Variants in IL12RB2 observed in about 807,000 individuals in gnomAD.
IL12RB2 encodes the protein interleukin 12 receptor subunit beta 2.
Under a neutral mutation model 89.4 loss-of-function variants are expected in IL12RB2, and 82 were observed. That is an observed-to-expected ratio of 0.92 (90% CI 0.77 to 1.10). The LOEUF (loss-of-function observed/expected upper bound fraction) is 1.10. Ranked by LOEUF, IL12RB2 falls within the 50% of genes least tolerant of loss-of-function variation. The probability of loss-of-function intolerance (pLI) is 0.00; values close to 1 mark genes in which losing one functional copy is unlikely to be tolerated. For synonymous variants in IL12RB2, 368 were observed against 370.1 expected (o/e 0.99, Z 0.07); for missense variants, 963 against 1,031.9 (o/e 0.93, Z 0.92).
chr1:67,327,733 G>C (rs1212533895), intron 5 of IL12RB2, among the ~76,000 whole-genome samples: 3 of 152,210 alleles, frequency 2.0e-5, no homozygotes, highest in Non-Finnish European at 4.4e-5. Flanking sequence ...GAGGGGTTCT[G>C]TAGTACATTT....
At chr1:67,332,706 T>C (rs1299247299) in intron 8 of IL12RB2, among the ~76,000 whole-genome samples, 1 of 152,194 alleles carries the variant, frequency 6.6e-6, no homozygotes, top group African/African-American at 2.4e-5. Context: ...TTTATATATG[T>C]GGTACAGATA....
chr1:67,317,376 G>T (rs1655914533), intron 2 of IL12RB2, among the ~76,000 whole-genome samples: 1 of 152,168 alleles, frequency 6.6e-6, no homozygotes, highest in African/African-American at 2.4e-5. Flanking sequence ...TTATGTATCT[G>T]AACTGAGATC....
chr1:67,326,155 G>A (rs1657257333), intron 4 of IL12RB2, among the ~76,000 whole-genome samples: 1 of 152,216 alleles, frequency 6.6e-6, no homozygotes, highest in South Asian at 2.1e-4. Flanking sequence ...GCAACTGGGT[G>A]TAAGTGTCTT....
chr1:67,316,795 G>A (rs907579737), intron 2 of IL12RB2, among the ~76,000 whole-genome samples: 2 of 152,112 alleles, frequency 1.3e-5, no homozygotes, highest in Admixed American at 6.6e-5. Flanking sequence ...CCCAAGCTTC[G>A]CCTCCTGCAA....
intron 10 of IL12RB2, among the ~76,000 whole-genome samples, chr1:67,362,552 G>A (rs1326714293): frequency 2.1e-4 from 25 of 117,944 alleles, no homozygotes; most frequent in African/African-American, 5.6e-4. Flanking sequence ...CGGCCTGGGC[G>A]ACAGAGCGAG....
At chr1:67,369,038 A>G (rs923357070) in intron 11 of IL12RB2, among the ~76,000 whole-genome samples, 3 of 152,224 alleles carry the variant, frequency 2.0e-5, no homozygotes, top group African/African-American at 7.2e-5. Context: ...ACCCTGCTTA[A>G]GGTGACAAGA....
At chr1:67,350,726 T>C (rs1660733127) in intron 9 of IL12RB2, 144 bp from the exon 10 acceptor site, 2 of 1,505,832 alleles carry the variant, frequency 1.3e-6, no homozygotes, top group African/African-American at 1.4e-5. Flanking sequence ...TGCATAAAAG[T>C]GTGTAGCAGG....
intron 1 of IL12RB2, among the ~76,000 whole-genome samples, chr1:67,312,481 C>T (rs755306624): frequency 9.9e-5 from 15 of 151,894 alleles, no homozygotes; most frequent in Non-Finnish European, 2.1e-4. Context: ...AAATAGTTCT[C>T]AGTACAGATG....
rs1280504603 is a variant in IL12RB2 at position 67,328,370 on chromosome 1, C to T, written c.650C>T (p.Thr217Ile). Residue 217 changes from threonine to isoleucine, a missense_variant, in exon 6 of 17, where the codon ACA becomes ATA. Transcript: ENST00000674203. ...GSSSSLPSTF[T>I]FLDIVRPLPP... ...TCCTCTTCACTTCCATCCACATTCA[C>T]ATTCTTGGACATAGGTACATTTTAT... The T allele has an allele frequency of 6.2e-7, 1 of 1,614,056 alleles. No homozygotes were observed. Among genetic ancestry groups the T allele is most frequent in the African/African-American group, 1.3e-5 (1 of 74,934 alleles).
chr1:67,360,540 A>G (rs1484974165), intron 10 of IL12RB2, among the ~76,000 whole-genome samples: 1 of 152,080 alleles, frequency 6.6e-6, no homozygotes, highest in African/African-American at 2.4e-5. Context: ...CACGCCTTGT[A>G]ATTCCAGCAC....
chr1:67,361,158 G>A (rs1339018622), intron 10 of IL12RB2, among the ~76,000 whole-genome samples: 6 of 152,040 alleles, frequency 3.9e-5, no homozygotes, highest in South Asian at 2.1e-4. Context: ...TCTTTCCCCC[G>A]ACACCTTTCT....
chr1:67,382,975 A>G (rs1664762513), intron 14 of IL12RB2, among the ~76,000 whole-genome samples: 1 of 152,170 alleles, frequency 6.6e-6, no homozygotes, highest in African/African-American at 2.4e-5. Flanking sequence ...TGGACATTGC[A>G]TATACCCCTG....
intron 10 of IL12RB2, among the ~76,000 whole-genome samples, chr1:67,355,703 C>T (rs563524350): frequency 7.2e-5 from 11 of 152,216 alleles, no homozygotes; most frequent in African/African-American, 9.6e-5. Flanking sequence ...GCCTTCTGAA[C>T]GTTATAACTT....
chr1:67,329,308 T>C (rs970885813), intron 6 of IL12RB2, among the ~76,000 whole-genome samples: 1 of 152,224 alleles, frequency 6.6e-6, no homozygotes, highest in African/African-American at 2.4e-5. Flanking sequence ...ACCACTGGAC[T>C]AAGTGTAGTT....
At chr1:67,330,949 A>G in intron 8 of IL12RB2, 139 bp downstream of exon 8, 1 of 698,612 alleles carries the variant, frequency 1.4e-6, no homozygotes, top group South Asian at 1.6e-5. Flanking sequence ...TTAACAAGTT[A>G]ATTTTTATAT....
intron 2 of IL12RB2, among the ~76,000 whole-genome samples, chr1:67,316,421 AGTGTGTGT>A (rs71062410): frequency 6.2e-5 from 9 of 146,148 alleles, no homozygotes; most frequent in South Asian, 2.3e-4. Flanking sequence ...TCCCCAGAGT[AGTGTGTGT>A]GTGTGTGTGT....
chr1:67,311,765 T>C (rs1442893261), intron 1 of IL12RB2, among the ~76,000 whole-genome samples: 4 of 152,330 alleles, frequency 2.6e-5, no homozygotes, highest in Non-Finnish European at 4.4e-5. Flanking sequence ...TGTGGCATGG[T>C]GATCACTACC....
chr1:67,338,697 C>G lies in IL12RB2; in HGVS notation c.1032C>G (p.Phe344Leu). 6.7e-7 allele frequency: 1 copy of G among 1,489,490 alleles called. No homozygotes were observed. Among genetic ancestry groups the G allele is most frequent in the South Asian group, 1.1e-5 (1 of 88,612 alleles). 92.3% of individuals were successfully genotyped at this position (1,489,490 alleles called of 1,614,324 possible). A position where few individuals can be genotyped will look rare whatever the true frequency, so the allele number is the denominator to read the frequency against. The change falls in exon 9 of 17, where the codon TTC becomes TTG. Residue 344 changes from phenylalanine (F) to leucine (L), a missense_variant. Phe to Leu is a conservative substitution (Grantham distance 22). Coordinates refer to ENST00000674203, the MANE Select transcript of IL12RB2 (RefSeq NM_001374259.2). ...IDYSRQQISLFWKNLSVSEAR... is the reference protein window; with the variant it reads ...IDYSRQQISLLWKNLSVSEAR... Reference sequence around the variant, plus strand: ...ACAGTAGACAACAGATTTCTCTTTTCTGGAAGGTGAGTTTTAAGCGTCAAC... The same window carrying G: ...ACAGTAGACAACAGATTTCTCTTTTGTGGAAGGTGAGTTTTAAGCGTCAAC...
At chr1:67,311,412 A>G (rs1487400298) in intron 1 of IL12RB2, among the ~76,000 whole-genome samples, 7 of 152,252 alleles carry the variant, frequency 4.6e-5, no homozygotes, top group African/African-American at 1.7e-4. Context: ...GAAGGGAAGC[A>G]TAGAATGTAA....
Sources: allele counts gnomAD v4.1 joint callset (sites outside exome capture counted in the v4.1 genomes callset), GRCh38; gene constraint gnomAD v4.1.1; transcripts MANE v1.5; gene names NCBI Gene and HGNC (gene_info 2026-07-23, HGNC 2026-07-21).